The following DOCK1 variants were observed in gnomAD, a reference collection of about 807,000 sequenced individuals.
The protein encoded by DOCK1 is dedicator of cytokinesis 1.
DOCK1 carries 138 observed loss-of-function variants against 262.7 expected under a neutral mutation model. The ratio of observed to expected loss-of-function variants is 0.53; its 90% CI spans 0.46 to 0.61. The LOEUF is 0.61. DOCK1 is among the 20% of genes least tolerant of loss of function. The pLI, the probability that DOCK1 is intolerant of heterozygous loss-of-function variation, is 0.00. For synonymous variants in DOCK1, 866 were observed against 867.4 expected (o/e 1.00, Z 0.03); for missense variants, 1,908 against 2,370.7 (o/e 0.80, Z 4.05).
rs117050589 is a variant in DOCK1, at chr10:127,123,576, T to A, written c.2624-1898T>A. Among the ~76,000 whole-genome samples the A allele has an allele frequency of 4.5e-4, 69 of 152,312 alleles. No individual in the cohort carries two copies. In the East Asian group the frequency reaches 0.013, roughly 29 times the overall value. Reference sequence around the variant, plus strand: ...CAGCTCAAGAGTCACTAAAGTTGGATGTAGTTTGTAAACATCGAGGTTCTA... The same window carrying A: ...CAGCTCAAGAGTCACTAAAGTTGGAAGTAGTTTGTAAACATCGAGGTTCTA... On this transcript the variant is annotated intron_variant, in intron 25 of 51. Transcript: ENST00000623213.
intron 29 of DOCK1, among the ~76,000 whole-genome samples, chr10:127,326,186 T>A (rs2062741960): frequency 1.3e-5 from 2 of 152,184 alleles, no homozygotes; most frequent in Admixed American, 6.5e-5. Context: ...GACAGTTTTT[T>A]AAAATAAGGC....
At chr10:127,048,083 T>C (rs1180530222) in intron 21 of DOCK1, among the ~76,000 whole-genome samples, 2 of 152,234 alleles carry the variant, frequency 1.3e-5, no homozygotes, top group Non-Finnish European at 2.9e-5. Flanking sequence ...TTGTAAGATA[T>C]TGCGAGACAG....
intron 30 of DOCK1, among the ~76,000 whole-genome samples, chr10:127,342,295 G>C (rs1014828698): frequency 2.6e-5 from 4 of 152,028 alleles, no homozygotes; most frequent in Non-Finnish European, 4.4e-5. Context: ...AAAAACAAAA[G>C]GAACGACTTG....
At chr10:127,131,134 A>G (rs1310505420) in intron 27 of DOCK1, among the ~76,000 whole-genome samples, 1 of 152,168 alleles carries the variant, frequency 6.6e-6, no homozygotes, top group African/African-American at 2.4e-5. Flanking sequence ...TGCATGTTCT[A>G]AGAAGGGGGT....
At chr10:127,165,962 C>G (rs1173118050) in intron 27 of DOCK1, among the ~76,000 whole-genome samples, 1 of 152,182 alleles carries the variant, frequency 6.6e-6, no homozygotes, top group Non-Finnish European at 1.5e-5. Context: ...CCCTACCAGG[C>G]CTGGGAGGGT....
intron 33 of DOCK1, among the ~76,000 whole-genome samples, chr10:127,370,923 G>C (rs1201406809): frequency 2.6e-5 from 4 of 152,190 alleles, no homozygotes; most frequent in Non-Finnish European, 2.9e-5. Context: ...GAAAAGAGAA[G>C]AAAATATAAT....
rs11429952 is a variant in DOCK1, at chr10:127,036,981, GAA to G, written c.1913-723_1913-722del. ...AGCAAGAGCGAAACGCCATCTCAAG[GAA>G]AAAAAAAAAAAAAAGAAAAAGAATA... On this transcript the variant is annotated intron_variant, in intron 18 of 51. Transcript: ENST00000623213. Among the ~76,000 whole-genome samples, 540 of 128,012 alleles carry G rather than the reference GAA, an allele frequency of 4.2e-3. 15 individuals carry two copies. The East Asian group carries it at 0.049, about 12-fold the overall frequency. The allele number at this position is 128,012 out of a possible 152,430, so 84.0% of individuals were successfully genotyped here.
intron 49 of DOCK1, among the ~76,000 whole-genome samples, chr10:127,441,510 C>T (rs776370456): frequency 1.3e-5 from 2 of 152,226 alleles, no homozygotes; most frequent in Non-Finnish European, 2.9e-5. Flanking sequence ...TGTCTGTCTA[C>T]GCAGAGGGCA....
intron 23 of DOCK1, among the ~76,000 whole-genome samples, chr10:127,098,438 G>A (rs904775683): frequency 6.6e-6 from 1 of 152,136 alleles, no homozygotes; most frequent in Admixed American, 6.5e-5. Context: ...CTGTCCTGCC[G>A]CCACTGCTGC....
At chr10:127,377,631 C>T (rs1194730546) in intron 35 of DOCK1, among the ~76,000 whole-genome samples, 1 of 151,976 alleles carries the variant, frequency 6.6e-6, no homozygotes, top group Non-Finnish European at 1.5e-5. Flanking sequence ...GGTGTGGTGG[C>T]TCACGCCTGT....
chr10:126,949,032 G>A (rs1028525902), intron 1 of DOCK1, among the ~76,000 whole-genome samples: 1 of 152,092 alleles, frequency 6.6e-6, no homozygotes, highest in African/African-American at 2.4e-5. Context: ...CTTTGCTTTG[G>A]TTCCCTGGCC....
intron 43 of DOCK1, among the ~76,000 whole-genome samples, chr10:127,411,324 C>T (rs1391393442): frequency 6.6e-6 from 1 of 152,104 alleles, no homozygotes; most frequent in Admixed American, 6.5e-5. Flanking sequence ...AGCACATGAA[C>T]TGGATCTGGA....
chr10:126,988,952 A>G (rs1381276293), intron 5 of DOCK1, among the ~76,000 whole-genome samples: 1 of 152,032 alleles, frequency 6.6e-6, no homozygotes, highest in Non-Finnish European at 1.5e-5. Flanking sequence ...GCATGCCTGT[A>G]GTCCCAGCTA....
chr10:127,079,852 A>G (rs1421394435), intron 23 of DOCK1, among the ~76,000 whole-genome samples: 1 of 152,164 alleles, frequency 6.6e-6, no homozygotes, highest in African/African-American at 2.4e-5. Context: ...AATTGCTTGA[A>G]GCTGGGAAGC....
chr10:127,196,726 A>AGAG (rs376664476), intron 27 of DOCK1, among the ~76,000 whole-genome samples: 97,562 of 149,566 alleles, frequency 0.65, 32,198 homozygotes, highest in East Asian at 0.85. Context: ...AGGAGGAGGA[A>AGAG]GAGGAGGAGG....
intron 23 of DOCK1, among the ~76,000 whole-genome samples, chr10:127,068,055 A>C (rs537366299): frequency 1.2e-4 from 19 of 152,148 alleles, no homozygotes; most frequent in African/African-American, 4.3e-4. Flanking sequence ...TGGCTTTCTT[A>C]GAGAGGAGCT....
intron 27 of DOCK1, among the ~76,000 whole-genome samples, chr10:127,239,009 G>A (rs2059169357): frequency 6.6e-6 from 1 of 152,192 alleles, no homozygotes; most frequent in African/African-American, 2.4e-5. Context: ...AGGGGTGGAA[G>A]TAGAACCTCA....
At chr10:126,970,666 A>T (rs368885593) in intron 1 of DOCK1, 36 bp from the exon 2 acceptor site, 52 of 1,527,680 alleles carry the variant, frequency 3.4e-5, no homozygotes, top group Admixed American at 2.5e-4. Flanking sequence ...TTCTATCTTT[A>T]CTATTACTAA....
chr10:126,958,003 A>G lies in DOCK1; in HGVS notation c.47-12699A>G, dbSNP rs1014692825. ...GATTCCGTGTATTTGAAGTTTAAGC[A>G]TTGACCGTTATTTATGACTTATCTA... is the stretch of plus-strand genomic sequence containing the variant. On this transcript the variant is annotated intron_variant, in intron 1 of 51. Coordinates refer to ENST00000623213, the MANE Select transcript of DOCK1 (RefSeq NM_001290223.2). 2.6e-5 allele frequency among the ~76,000 whole-genome samples: 4 copies of G among 152,342 alleles called. No individual in the cohort carries two copies. In the East Asian group the frequency reaches 7.7e-4, roughly 29 times the overall value.
Sources: gnomAD v4.1 joint callset for allele counts (sites outside exome capture counted in the v4.1 genomes callset) on GRCh38, gnomAD v4.1.1 for gene constraint, MANE v1.5 for transcripts, NCBI Gene and HGNC (gene_info 2026-07-23, HGNC 2026-07-21) for gene names.